PFKFB3: variants seen among roughly 807,000 people sequenced by gnomAD.
PFKFB3 encodes the protein 6-phosphofructo-2-kinase/fructose-2,6-bisphosphatase 3.
Under a neutral mutation model 68.0 loss-of-function variants are expected in PFKFB3, and 33 were observed. That is an observed-to-expected ratio of 0.49 (90% CI 0.37 to 0.65). The LOEUF is 0.65. Ranked by LOEUF, PFKFB3 falls within the 30% of genes least tolerant of loss-of-function variation. PFKFB3 has a pLI of 0.00. For synonymous variants in PFKFB3, 315 were observed against 288.2 expected (o/e 1.09, Z -0.94); for missense variants, 586 against 712.2 (o/e 0.82, Z 2.02).
chr10:6,202,775 C>A, upstream of PFKFB3: 1 of 653,662 alleles, frequency 1.5e-6, no homozygotes, highest in Non-Finnish European at 1.9e-6. Flanking sequence ...CGTCGCCGGC[C>A]CGCAGGGGGA....
chr10:6,177,350 TTTTCTC>T (rs1365936182), intron 1 of PFKFB3, among the ~76,000 whole-genome samples: 2 of 147,104 alleles, frequency 1.4e-5, no homozygotes, highest in African/African-American at 5.0e-5. Flanking sequence ...GTTTCTTTTC[TTTTCTC>T]TTTCTTTCTT....
chr10:6,220,911 T>G lies in PFKFB3; in HGVS notation c.831+46T>G. The G allele has an allele frequency of 2.0e-4, 307 of 1,536,410 alleles. No individual in the cohort carries two copies. The highest frequency in any genetic ancestry group is 2.6e-4 in the Non-Finnish European group (288 of 1,118,656). On this transcript the variant is annotated intron_variant, in intron 8 of 14. Coordinates refer to ENST00000379775, the MANE Select transcript of PFKFB3 (RefSeq NM_004566.4). The surrounding 1 kb of genome is among the most constrained non-coding windows in gnomAD (Gnocchi z 4.1). ...TGGGCCGTTCTGGCTGTAGGGCGGT[T>G]GCAGGGTCTATAGGGTGGGTGGGGA... is the stretch of plus-strand genomic sequence containing the variant.
the PFKFB3 span, among the ~76,000 whole-genome samples, chr10:6,286,102 C>T: frequency 1.4e-3 from 214 of 151,370 alleles, no homozygotes; most frequent in African/African-American, 3.8e-3. Context: ...CTCAGCCTCC[C>T]GAGTAGCTGG....
rs186435547 is a variant in PFKFB3 at position 6,155,727 on chromosome 10, C to T, written c.16+10714C>T. On this transcript the variant is annotated intron_variant, in intron 1 of 14. Coordinates refer to the PFKFB3 transcript ENST00000379789. The stretch of plus-strand genomic sequence containing the variant: ...TTGTCCTGGTTTGTCCATATTTCCC[C>T]GGTTTCAACCTCGACAGTCAGGTCA... Among the ~76,000 whole-genome samples the T allele has an allele frequency of 5.3e-3, 800 of 152,192 alleles. 10 individuals are homozygous for T. The highest frequency in any genetic ancestry group is 0.018 in the African/African-American group (761 of 41,518).
intron 1 of PFKFB3, among the ~76,000 whole-genome samples, chr10:6,212,834 G>A (rs905472401): frequency 2.6e-5 from 4 of 152,064 alleles, no homozygotes; most frequent in African/African-American, 7.2e-5. Flanking sequence ...CCTTTTTAAA[G>A]ATTTTTTTTA....
chr10:6,156,227 C>T (rs1353497226), intron 1 of PFKFB3, among the ~76,000 whole-genome samples: 4 of 151,864 alleles, frequency 2.6e-5, no homozygotes, highest in African/African-American at 9.7e-5. Context: ...GATCATGGCT[C>T]ACTGCAACCT....
At chr10:6,306,874 T>C in the PFKFB3 span, among the ~76,000 whole-genome samples, 2 of 152,230 alleles carry the variant, frequency 1.3e-5, no homozygotes. Context: ...AGTTCATCAG[T>C]GTAATGTTTA....
chr10:6,158,023 T>C (rs142143427), intron 1 of PFKFB3, among the ~76,000 whole-genome samples: 1,642 of 151,624 alleles, frequency 0.011, 67 homozygotes, highest in East Asian at 0.1. Flanking sequence ...CGGTGGTTCA[T>C]GCCTGTAATC....
At chr10:6,257,496 G>A (rs199734225), downstream of PFKFB3, among the ~76,000 whole-genome samples, 1 of 152,310 alleles carries the variant, frequency 6.6e-6, no homozygotes, top group East Asian at 1.9e-4. Flanking sequence ...ACTTGACCAT[G>A]GTAGGGACTT....
chr10:6,180,639 A>AT (rs1295968765), intron 1 of PFKFB3, among the ~76,000 whole-genome samples: 1 of 151,994 alleles, frequency 6.6e-6, no homozygotes, highest in Non-Finnish European at 1.5e-5. Context: ...TAATCTTTAA[A>AT]TTTTTTGTAG....
intron 1 of PFKFB3, among the ~76,000 whole-genome samples, chr10:6,162,806 G>A (rs975879737): frequency 2.0e-5 from 3 of 152,080 alleles, no homozygotes; most frequent in African/African-American, 7.2e-5. Context: ...GTCCTTCCCA[G>A]TCTCGGCCTT....
intron 1 of PFKFB3, among the ~76,000 whole-genome samples, chr10:6,184,133 A>G (rs1057318721): frequency 4.6e-5 from 7 of 151,814 alleles, no homozygotes; most frequent in African/African-American, 1.7e-4. Flanking sequence ...GCTCACTGCA[A>G]TCTCCGCCTT....
the PFKFB3 span, among the ~76,000 whole-genome samples, chr10:6,267,461 A>C: frequency 6.6e-6 from 1 of 152,118 alleles, no homozygotes; most frequent in Non-Finnish European, 1.5e-5. Flanking sequence ...TAGTGGTTAG[A>C]GTTTCTTAGA....
At chr10:6,145,829 G>C (rs1182825543) in intron 1 of PFKFB3, among the ~76,000 whole-genome samples, 2 of 137,682 alleles carry the variant, frequency 1.5e-5, no homozygotes, top group Non-Finnish European at 3.2e-5. Flanking sequence ...AGAAAGGCCC[G>C]GCTACCTGGT....
downstream of PFKFB3, among the ~76,000 whole-genome samples, chr10:6,258,052 G>T (rs1458843103): frequency 1.3e-5 from 2 of 152,202 alleles, no homozygotes; most frequent in Non-Finnish European, 2.9e-5. Context: ...GCGGGTAGAA[G>T]CAGACGGCCT....
At chr10:6,241,630 G>A (rs964785929) in intron 14 of PFKFB3, among the ~76,000 whole-genome samples, 1 of 152,136 alleles carries the variant, frequency 6.6e-6, no homozygotes, top group African/African-American at 2.4e-5. Flanking sequence ...CCAGGAGTCC[G>A]ATACCAGCCT....
chr10:6,293,703 A>T, the PFKFB3 span: 33 of 320,326 alleles, frequency 1.0e-4, no homozygotes, highest in Non-Finnish European at 2.0e-4. Context: ...TATGCATGGT[A>T]ATTGTCCATT....
chr10:6,316,489 T>A, the PFKFB3 span, among the ~76,000 whole-genome samples: 1 of 152,156 alleles, frequency 6.6e-6, no homozygotes, highest in Non-Finnish European at 1.5e-5. Flanking sequence ...TTCTTTCCTT[T>A]TCTTTTTTTG....
At chr10:6,285,972 G>GTTTTTT in the PFKFB3 span, among the ~76,000 whole-genome samples, 105 of 89,050 alleles carry the variant, frequency 1.2e-3, no homozygotes, top group Middle Eastern at 0.01. Context: ...TCCTTTCACT[G>GTTTTTT]TTTTTTTTTT....
Sources: allele counts gnomAD v4.1 joint callset (sites outside exome capture counted in the v4.1 genomes callset), GRCh38; gene constraint gnomAD v4.1.1; non-coding constraint Gnocchi (gnomAD v3.1); transcripts MANE v1.5; gene names NCBI Gene and HGNC (gene_info 2026-07-23, HGNC 2026-07-21).